KHDRBS2: variants seen among roughly 807,000 people sequenced by gnomAD.
The protein encoded by KHDRBS2 is KH RNA binding domain containing, signal transduction associated 2, also known as KH domain-containing, RNA-binding, signal transduction-associated protein 2.
In KHDRBS2, 26 loss-of-function variants were observed where a neutral mutation model predicts 44.3. The ratio of observed to expected loss-of-function variants is 0.59; its 90% CI spans 0.43 to 0.81. The LOEUF (loss-of-function observed/expected upper bound fraction) is 0.81. KHDRBS2 is among the 40% of genes least tolerant of loss of function. The pLI is 0.00. For synonymous variants in KHDRBS2, 194 were observed against 151.1 expected, an observed-to-expected ratio of 1.28 and a Z score of -2.08; for missense variants, 476 against 433.1, an observed-to-expected ratio of 1.10 and a Z score of -0.88.
chr6:62,101,719 T>C (rs1349638897), intron 2 of KHDRBS2, among the ~76,000 whole-genome samples: 1 of 152,194 alleles, frequency 6.6e-6, no homozygotes, highest in African/African-American at 2.4e-5. Context: ...AATTAGAGAA[T>C]GGATAGATGA....
At chr6:61,917,112 A>G (rs1807170875) in intron 4 of KHDRBS2, among the ~76,000 whole-genome samples, 1 of 151,748 alleles carries the variant, frequency 6.6e-6, no homozygotes, top group Admixed American at 6.6e-5. Flanking sequence ...AAACGAGTTG[A>G]AAACTTACAT....
chr6:61,717,314 G>A (rs1771608946), intron 7 of KHDRBS2, among the ~76,000 whole-genome samples: 1 of 151,872 alleles, frequency 6.6e-6, no homozygotes, highest in African/African-American at 2.4e-5. Flanking sequence ...TCTCTGAAGT[G>A]CCTAAAATAA....
At chr6:62,244,695 A>T (rs1399917018) in intron 1 of KHDRBS2, among the ~76,000 whole-genome samples, 1 of 152,158 alleles carries the variant, frequency 6.6e-6, no homozygotes, top group Non-Finnish European at 1.5e-5. Flanking sequence ...ATAGAAATAG[A>T]TTAAGCAATA....
chr6:61,777,156 G>C (rs1782192747), intron 6 of KHDRBS2, among the ~76,000 whole-genome samples: 1 of 151,608 alleles, frequency 6.6e-6, no homozygotes, highest in Admixed American at 6.6e-5. Context: ...GGGAAGGGGG[G>C]ACGGGTAGCA....
chr6:61,785,192 C>A (rs781594366), intron 6 of KHDRBS2, among the ~76,000 whole-genome samples: 5 of 151,374 alleles, frequency 3.3e-5, no homozygotes, highest in Admixed American at 2.6e-4. Flanking sequence ...AAAAAACAGA[C>A]AATCAAAGAA....
intron 1 of KHDRBS2, among the ~76,000 whole-genome samples, chr6:62,203,942 TTC>T (rs1185982557): frequency 6.6e-6 from 1 of 152,082 alleles, no homozygotes; most frequent in East Asian, 1.9e-4. Flanking sequence ...AACAAATAAG[TTC>T]TCACTCTATT....
At chr6:62,279,748 C>T (rs1841532778) in intron 1 of KHDRBS2, among the ~76,000 whole-genome samples, 1 of 152,144 alleles carries the variant, frequency 6.6e-6, no homozygotes, top group South Asian at 2.1e-4. Flanking sequence ...AAAGGGCATT[C>T]TAAAGTGAGG....
chr6:62,170,952 CA>C lies in KHDRBS2; in HGVS notation c.219+6232del, dbSNP rs34963723. 1.7e-3 allele frequency among the ~76,000 whole-genome samples: 219 copies of C among 129,778 alleles called. 2 individuals are homozygous for C. The highest frequency in any genetic ancestry group is 4.5e-3 in the South Asian group (18 of 4,004). 85.1% of individuals were successfully genotyped at this position (129,778 alleles called of 152,430 possible). A position where few individuals can be genotyped will look rare whatever the true frequency, so the allele number is the denominator to read the frequency against. ...CCAAGGGCATCAAAGAAGATAAACGCAAAAAAAAAAAAAAACCAACCAAAGG... is the reference window on the plus strand; with the variant it reads ...CCAAGGGCATCAAAGAAGATAAACGCAAAAAAAAAAAAAACCAACCAAAGG... On this transcript the variant is annotated intron_variant, in intron 2 of 8. Transcript: ENST00000281156.
the KHDRBS2 span, among the ~76,000 whole-genome samples, chr6:61,554,855 T>C: frequency 6.6e-6 from 1 of 152,152 alleles, no homozygotes; most frequent in Non-Finnish European, 1.5e-5. Context: ...TTCTGGCTTA[T>C]AGGATTTCTG....
intron 1 of KHDRBS2, among the ~76,000 whole-genome samples, chr6:62,243,157 A>T (rs1298938895): frequency 9.2e-5 from 14 of 151,938 alleles, no homozygotes; most frequent in Non-Finnish European, 1.6e-4. Flanking sequence ...AATACAATAT[A>T]ATATATATAT....
intron 7 of KHDRBS2, among the ~76,000 whole-genome samples, chr6:61,723,788 G>T (rs968227422): frequency 6.6e-5 from 10 of 152,112 alleles, no homozygotes; most frequent in African/African-American, 2.2e-4. Flanking sequence ...GAATGAAAAA[G>T]AATGAACAAT....
chr6:61,543,652 C>T, the KHDRBS2 span, among the ~76,000 whole-genome samples: 267 of 152,098 alleles, frequency 1.8e-3, 2 homozygotes, highest in African/African-American at 6.1e-3. Flanking sequence ...ATCTACACTC[C>T]CATATTTCTT....
intron 6 of KHDRBS2, among the ~76,000 whole-genome samples, chr6:61,843,848 T>G (rs1279756924): frequency 1.3e-5 from 2 of 152,214 alleles, no homozygotes; most frequent in African/African-American, 4.8e-5. Flanking sequence ...ATTTAGTTTT[T>G]AATATATGTT....
chr6:61,644,699 T>C, the KHDRBS2 span, among the ~76,000 whole-genome samples: 2 of 152,060 alleles, frequency 1.3e-5, no homozygotes, highest in African/African-American at 4.8e-5. Context: ...AACAAGCATA[T>C]GAAGAAAAGC....
chr6:61,573,893 T>C, the KHDRBS2 span, among the ~76,000 whole-genome samples: 1 of 31,968 alleles, frequency 3.1e-5, no homozygotes, highest in Non-Finnish European at 5.7e-5. Context: ...CTTCTAACTA[T>C]ACTAACTAGT....
At chr6:61,655,576 T>C in the KHDRBS2 span, among the ~76,000 whole-genome samples, 1 of 152,026 alleles carries the variant, frequency 6.6e-6, no homozygotes, top group Non-Finnish European at 1.5e-5. Flanking sequence ...TTTTAAGACA[T>C]ATTTTTTTTC....
intron 2 of KHDRBS2, among the ~76,000 whole-genome samples, chr6:62,065,105 A>T (rs1793245813): frequency 1.3e-5 from 2 of 152,056 alleles, no homozygotes; most frequent in Non-Finnish European, 2.9e-5. Context: ...ACCAGTTAGA[A>T]TGGCAATCAT....
intron 6 of KHDRBS2, among the ~76,000 whole-genome samples, chr6:61,748,093 C>A (rs1218772618): frequency 1.3e-5 from 2 of 152,042 alleles, no homozygotes; most frequent in Non-Finnish European, 2.9e-5. Flanking sequence ...TGGGTTCAAG[C>A]GATTCTCCTG....
intron 7 of KHDRBS2, among the ~76,000 whole-genome samples, chr6:61,708,192 A>G (rs1769902664): frequency 6.6e-6 from 1 of 151,620 alleles, no homozygotes; most frequent in South Asian, 2.1e-4. Flanking sequence ...GTTTCCTTAC[A>G]TTCACATTGT....
Sources: allele counts gnomAD v4.1 joint callset (sites outside exome capture counted in the v4.1 genomes callset), GRCh38; gene constraint gnomAD v4.1.1; transcripts MANE v1.5; gene names NCBI Gene and HGNC (gene_info 2026-07-23, HGNC 2026-07-21).